PRRX1: variants seen among roughly 807,000 people sequenced by gnomAD.
PRRX1 encodes paired related homeobox 1.
PRRX1 carries 8 observed loss-of-function variants against 24.0 expected under a neutral mutation model. That is an observed-to-expected ratio of 0.33 (90% CI 0.20 to 0.60). PRRX1 has a LOEUF of 0.60. PRRX1 is among the 20% of genes least tolerant of loss of function. The pLI is 0.82. For synonymous variants in PRRX1, 160 were observed against 131.7 expected (o/e 1.22, Z -1.47); for missense variants, 281 against 322.4 (o/e 0.87, Z 0.98).
chr1:170,698,139 A>G (rs1244865384), intron 1 of PRRX1, among the ~76,000 whole-genome samples: 1 of 152,122 alleles, frequency 6.6e-6, no homozygotes, highest in Non-Finnish European at 1.5e-5. Context: ...TATAGCCAAC[A>G]AAAACAAAAA....
At chr1:170,732,597 C>T (rs1024362558) in intron 3 of PRRX1, among the ~76,000 whole-genome samples, 3 of 152,150 alleles carry the variant, frequency 2.0e-5, no homozygotes, top group South Asian at 2.1e-4. Flanking sequence ...GGAAAACAGA[C>T]TTGCAATTAT....
intron 1 of PRRX1, among the ~76,000 whole-genome samples, chr1:170,684,840 A>C (rs775396762): frequency 6.6e-6 from 1 of 152,226 alleles, no homozygotes; most frequent in African/African-American, 2.4e-5. Context: ...ATGCTTCACT[A>C]TCTCATTTTT....
intron 1 of PRRX1, 92 bp downstream of exon 1, chr1:170,664,551 A>T (rs1558040405): frequency 4.0e-6 from 6 of 1,495,778 alleles, no homozygotes; most frequent in Non-Finnish European, 8.9e-7. Flanking sequence ...GCGGCCAGAA[A>T]GACAAGGTCC....
chr1:170,669,893 T>G (rs568357825), intron 1 of PRRX1, among the ~76,000 whole-genome samples: 46 of 152,214 alleles, frequency 3.0e-4, no homozygotes, highest in Non-Finnish European at 5.6e-4. Context: ...GGAGTGTGTT[T>G]GTAGAGAAGG....
rs200135594 is a variant in PRRX1, at chr1:170,736,222, C to A, written c.*36C>A. 8.5e-5 allele frequency: 137 copies of A among 1,612,388 alleles called. No homozygotes were observed. The highest frequency in any genetic ancestry group is 1.0e-4 in the Non-Finnish European group (121 of 1,178,626). ...TAATTAAACAGGCCTAAGAAGAAATCAAAAACCATAAGACACCTATCCTGC... is the reference window on the plus strand; with the variant it reads ...TAATTAAACAGGCCTAAGAAGAAATAAAAAACCATAAGACACCTATCCTGC... On this transcript the variant is annotated 3_prime_UTR_variant, in exon 4 of 4. Transcript: ENST00000239461.
At chr1:170,731,463 G>T (rs939329518) in intron 3 of PRRX1, among the ~76,000 whole-genome samples, 2 of 152,116 alleles carry the variant, frequency 1.3e-5, no homozygotes, top group Non-Finnish European at 2.9e-5. Flanking sequence ...AATAGAGTCA[G>T]GTATTATTTT....
intron 1 of PRRX1, among the ~76,000 whole-genome samples, chr1:170,665,323 C>T (rs1397868535): frequency 6.6e-6 from 1 of 152,226 alleles, no homozygotes; most frequent in Non-Finnish European, 1.5e-5. Flanking sequence ...CGACCAACCT[C>T]GCGACCCATG....
intron 1 of PRRX1, among the ~76,000 whole-genome samples, chr1:170,707,779 A>G (rs553945169): frequency 2.6e-5 from 4 of 152,220 alleles, no homozygotes; most frequent in Admixed American, 6.5e-5. Context: ...AAACACTAGT[A>G]TATCCAGTTT....
chr1:170,703,916 A>G (rs1406389120), intron 1 of PRRX1, among the ~76,000 whole-genome samples: 1 of 152,244 alleles, frequency 6.6e-6, no homozygotes. Context: ...CATGTCCTAA[A>G]TTGTGTGAAT....
chr1:170,666,929 A>T (rs549340930), intron 1 of PRRX1, among the ~76,000 whole-genome samples: 133 of 152,094 alleles, frequency 8.7e-4, no homozygotes, highest in African/African-American at 2.9e-3. Flanking sequence ...GCTGCCCTGG[A>T]CTGGGGACAG....
chr1:170,710,015 T>A (rs548333192), intron 1 of PRRX1, among the ~76,000 whole-genome samples: 82 of 152,268 alleles, frequency 5.4e-4, no homozygotes, highest in African/African-American at 1.8e-3. Flanking sequence ...TAGACTGTGG[T>A]TAGAGGTAAA....
chr1:170,729,689 TC>T (rs2101924881), intron 3 of PRRX1, among the ~76,000 whole-genome samples: 1 of 152,272 alleles, frequency 6.6e-6, no homozygotes, highest in African/African-American at 2.4e-5. Context: ...CCTCACTCAT[TC>T]CCTTGAGCAT....
intron 1 of PRRX1, among the ~76,000 whole-genome samples, chr1:170,680,039 T>C (rs757382088): frequency 1.3e-5 from 2 of 152,234 alleles, no homozygotes; most frequent in Non-Finnish European, 2.9e-5. Context: ...ACATAACCTA[T>C]CCAAATGTAT....
intron 3 of PRRX1, chr1:170,728,722 G>T (rs1655332901): frequency 6.6e-6 from 1 of 152,164 alleles, no homozygotes; most frequent in Admixed American, 6.5e-5. Flanking sequence ...TTGATCCAAT[G>T]TTGACTGAAG....
intron 1 of PRRX1, among the ~76,000 whole-genome samples, chr1:170,708,036 T>C (rs1378132979): frequency 6.6e-6 from 1 of 152,254 alleles, no homozygotes; most frequent in Admixed American, 6.5e-5. Context: ...TATCATTTTA[T>C]GTTTAATCAA....
At chr1:170,727,766 G>A (rs1312377445) in intron 3 of PRRX1, 1 of 151,994 alleles carries the variant, frequency 6.6e-6, no homozygotes, top group Non-Finnish European at 1.5e-5. Context: ...TCTTATTCTG[G>A]GCCCTATTGC....
At chr1:170,681,154 C>A (rs1571318693) in intron 1 of PRRX1, among the ~76,000 whole-genome samples, 1 of 152,206 alleles carries the variant, frequency 6.6e-6, no homozygotes, top group Admixed American at 6.5e-5. Flanking sequence ...GTAATGTATA[C>A]TAATTATGTT....
chr1:170,688,615 CTATA>C (rs1301019087), intron 1 of PRRX1, among the ~76,000 whole-genome samples: 1 of 152,064 alleles, frequency 6.6e-6, no homozygotes, highest in Non-Finnish European at 1.5e-5. Context: ...AGTCTGCTGA[CTATA>C]TCGTTTCATA....
At chr1:170,694,326 C>T (rs1417196569) in intron 1 of PRRX1, among the ~76,000 whole-genome samples, 37 of 152,104 alleles carry the variant, frequency 2.4e-4, no homozygotes, top group Non-Finnish European at 2.9e-5. Flanking sequence ...AGCCGAAATT[C>T]CTTCTCCAGT....
Sources: allele counts gnomAD v4.1 joint callset (sites outside exome capture counted in the v4.1 genomes callset), GRCh38; gene constraint gnomAD v4.1.1; transcripts MANE v1.5; gene names NCBI Gene and HGNC (gene_info 2026-07-23, HGNC 2026-07-21).